Variants in ST18 observed in about 807,000 individuals in gnomAD.
ST18 encodes ST18 C2H2C-type zinc finger transcription factor, also known as suppression of tumorigenicity 18 protein.
Under a neutral mutation model 110.0 loss-of-function variants are expected in ST18, and 50 were observed. That is an observed-to-expected ratio of 0.45 (90% CI 0.36 to 0.58). The LOEUF (loss-of-function observed/expected upper bound fraction) is 0.58, where lower values mean the gene tolerates loss of function less well. Ranked by LOEUF, ST18 falls within the 20% of genes least tolerant of loss-of-function variation. ST18 has a pLI of 0.00. For missense variants in ST18, 1,306 were observed against 1,280.1 expected, an observed-to-expected ratio of 1.02 and a Z score of -0.31; for synonymous variants, 461 against 452.4, an observed-to-expected ratio of 1.02 and a Z score of -0.24.
chr8:52,400,200 C>A (rs1018481176), intron 2 of ST18, among the ~76,000 whole-genome samples: 1 of 152,034 alleles, frequency 6.6e-6, no homozygotes, highest in East Asian at 1.9e-4. Context: ...AACTTGAAGT[C>A]TATTTATCTG....
chr8:52,184,115 T>C (rs2071012989), intron 8 of ST18, among the ~76,000 whole-genome samples: 1 of 152,238 alleles, frequency 6.6e-6, no homozygotes, highest in African/African-American at 2.4e-5. Flanking sequence ...TGCCACAAAA[T>C]GCTAACATAT....
At chr8:52,266,895 C>T (rs531308895) in intron 2 of ST18, among the ~76,000 whole-genome samples, 1 of 152,224 alleles carries the variant, frequency 6.6e-6, no homozygotes, top group African/African-American at 2.4e-5. Flanking sequence ...ATAAAGCAGT[C>T]CCCTTTCTCT....
At position 52,161,571 on chromosome 8, in the gene ST18, G is replaced by A; in HGVS notation, c.1401-3C>T. On this transcript the variant is annotated splice_polypyrimidine_tract_variant and splice_region_variant and intron_variant, in intron 13 of 25. Transcript: ENST00000689386. ...CAATTTGCTTCACCAAACTTGTCCT[G>A]GAGAGGGGGGTGAAGCAGTTCAAAA... 1.9e-6 allele frequency: 3 copies of A among 1,613,994 alleles called. No homozygotes were observed. The highest frequency in any genetic ancestry group is 8.5e-7 in the Non-Finnish European group (1 of 1,179,934).
At chr8:52,199,539 G>T (rs1223939737) in intron 8 of ST18, 2 of 152,168 alleles carry the variant, frequency 1.3e-5, no homozygotes, top group Non-Finnish European at 2.9e-5. Flanking sequence ...GAAATAAACA[G>T]AACATCAAAC....
intron 2 of ST18, among the ~76,000 whole-genome samples, chr8:52,327,247 G>C (rs1242153378): frequency 6.6e-6 from 1 of 152,162 alleles, no homozygotes; most frequent in Non-Finnish European, 1.5e-5. Flanking sequence ...CCATACCAAT[G>C]GGATGTCTCT....
chr8:52,281,302 A>C (rs1260624255), intron 2 of ST18, among the ~76,000 whole-genome samples: 2 of 152,158 alleles, frequency 1.3e-5, no homozygotes, highest in Admixed American at 6.5e-5. Flanking sequence ...AATCATAAAG[A>C]AGTGTTAAGA....
In ST18 at chr8:52,111,791, C is replaced by T. The variant is rs2040606193; in HGVS notation, c.*1407G>A. 1 of 152,540 alleles carries T rather than the reference C, an allele frequency of 6.6e-6. No individual in the cohort carries two copies. The highest frequency in any genetic ancestry group is 2.4e-5 in the African/African-American group (1 of 41,428). 9.4% of individuals were successfully genotyped at this position (152,540 alleles called of 1,614,324 possible). On this transcript the variant is annotated 3_prime_UTR_variant, in exon 26 of 26. Coordinates refer to ENST00000689386, the MANE Select transcript of ST18 (RefSeq NM_001352837.2). ...AGGCAGTTTAGCTGGTTGTCTATAC[C>T]TTTTCCTTAAAAAAAATAAATATAA... is the stretch of plus-strand genomic sequence containing the variant.
intron 2 of ST18, among the ~76,000 whole-genome samples, chr8:52,266,362 T>C (rs2094868841): frequency 6.6e-6 from 1 of 152,032 alleles, no homozygotes; most frequent in African/African-American, 2.4e-5. Flanking sequence ...AGATGTTGTT[T>C]TGTGCTCAAG....
intron 2 of ST18, among the ~76,000 whole-genome samples, chr8:52,367,236 T>TCACACACAAACACACACACACA (rs1554851171): frequency 8.3e-6 from 1 of 120,190 alleles, no homozygotes; most frequent in African/African-American, 3.1e-5. Flanking sequence ...GGACCCTGTC[T>TCACACACAAACACACACACACA]CACACACACA....
intron 2 of ST18, among the ~76,000 whole-genome samples, chr8:52,263,770 A>G (rs2094778086): frequency 7.9e-6 from 1 of 126,680 alleles, no homozygotes; most frequent in Non-Finnish European, 1.6e-5. Context: ...TTTTTGAGAC[A>G]GAGTCTTGCT....
chr8:52,307,142 G>A (rs1464126021), intron 2 of ST18, among the ~76,000 whole-genome samples: 1 of 151,522 alleles, frequency 6.6e-6, no homozygotes, highest in African/African-American at 2.4e-5. Context: ...GGCATAGTGG[G>A]ATCCTGCCTC....
intron 2 of ST18, among the ~76,000 whole-genome samples, chr8:52,250,477 A>AAAAC (rs2094211697): frequency 6.8e-6 from 1 of 146,284 alleles, no homozygotes; most frequent in African/African-American, 2.5e-5. Context: ...AAAAAAAAAA[A>AAAAC]GATCAAAACT....
At chr8:52,121,849 A>G (rs143136356) in intron 23 of ST18, among the ~76,000 whole-genome samples, 131 of 152,044 alleles carry the variant, frequency 8.6e-4, no homozygotes, top group African/African-American at 3.0e-3. Context: ...CTAAATTATT[A>G]TTATTATTAT....
At chr8:52,404,074 T>C (rs1195569382) in intron 2 of ST18, 1 of 152,206 alleles carries the variant, frequency 6.6e-6, no homozygotes, top group Non-Finnish European at 1.5e-5. Flanking sequence ...CAATTCTGAA[T>C]AAGATCTATT....
At chr8:52,209,535 G>A (rs1207386307) in intron 8 of ST18, among the ~76,000 whole-genome samples, 1 of 151,898 alleles carries the variant, frequency 6.6e-6, no homozygotes, top group Admixed American at 6.6e-5. Flanking sequence ...ACTTTGGGAG[G>A]CCGAGGTGGG....
intron 17 of ST18, 112 bp from the exon 18 acceptor site, chr8:52,137,595 G>A (rs2053006498): frequency 2.1e-6 from 2 of 966,102 alleles, no homozygotes; most frequent in African/African-American, 1.6e-5. Flanking sequence ...AGTTAACACA[G>A]TATAGGACAT....
chr8:52,159,159 T>C, intron 14 of ST18, 50 bp from the exon 15 acceptor site: 2 of 1,531,348 alleles, frequency 1.3e-6, no homozygotes, highest in Non-Finnish European at 1.8e-6. Flanking sequence ...GTTTTAGTCA[T>C]TAAACAGATT....
In ST18 at chr8:52,297,172, G is replaced by A. The variant is rs1219008151; in HGVS notation, c.-464-67095C>T. Among the ~76,000 whole-genome samples the A allele has an allele frequency of 2.0e-5, 3 of 152,196 alleles. No homozygotes were observed. In the East Asian group the frequency reaches 5.8e-4, roughly 29 times the overall value. On this transcript the variant is annotated intron_variant, in intron 2 of 25. Transcript: ENST00000689386. ...CCCTGCATGCTGACAGTGCAGTGCA[G>A]CGCAGGCTGTGGGGGGTGCAGTCCG...
chr8:52,408,700 T>G (rs972786067), intron 2 of ST18, among the ~76,000 whole-genome samples: 11 of 152,228 alleles, frequency 7.2e-5, no homozygotes, highest in Middle Eastern at 3.2e-3. Flanking sequence ...AAAATAATGT[T>G]CATTTTCAGT....
Sources: gnomAD v4.1 joint callset for allele counts (sites outside exome capture counted in the v4.1 genomes callset) on GRCh38, gnomAD v4.1.1 for gene constraint, MANE v1.5 for transcripts, NCBI Gene and HGNC (gene_info 2026-07-23, HGNC 2026-07-21) for gene names.